Variants in LRRC28 observed in about 807,000 individuals in gnomAD.
LRRC28 encodes leucine-rich repeat-containing protein 28.
In LRRC28, 39 loss-of-function variants were observed where a neutral mutation model predicts 45.7. The observed-to-expected ratio is 0.85, with a 90% CI of 0.66 to 1.12. LRRC28 has a LOEUF of 1.12. LRRC28 is among the 50% of genes most tolerant of loss of function. The pLI is 0.00. For synonymous variants in LRRC28, 206 were observed against 178.8 expected, an observed-to-expected ratio of 1.15 and a Z score of -1.22; for missense variants, 435 against 438.5, an observed-to-expected ratio of 0.99 and a Z score of 0.07.
intron 6 of LRRC28, chr15:99,338,114 G>C (rs969291941): frequency 1.3e-5 from 2 of 152,194 alleles, no homozygotes; most frequent in African/African-American, 4.8e-5. Flanking sequence ...CAGGAGACTG[G>C]AGACAGGATA....
intron 6 of LRRC28, among the ~76,000 whole-genome samples, chr15:99,343,970 G>A (rs1231341041): frequency 3.3e-5 from 5 of 152,044 alleles, no homozygotes; most frequent in African/African-American, 4.8e-5. Flanking sequence ...TCACAGCATC[G>A]CCTTTACAGC....
chr15:99,335,827 A>G (rs756469036), intron 6 of LRRC28, among the ~76,000 whole-genome samples: 1 of 152,140 alleles, frequency 6.6e-6, no homozygotes, highest in Non-Finnish European at 1.5e-5. Flanking sequence ...TGCTGGCAAT[A>G]CATGAGGGAA....
In LRRC28 at chr15:99,349,812, A is replaced by G. The variant is rs565048137; in HGVS notation, c.593-2557A>G. ...TACAAAATGTATATAAATGCCCCTCAGACATAGTTTTGAAATGTTCAAACT... is the reference window on the plus strand; with the variant it reads ...TACAAAATGTATATAAATGCCCCTCGGACATAGTTTTGAAATGTTCAAACT... On this transcript the variant is annotated intron_variant, in intron 6 of 9. Coordinates refer to ENST00000301981, the MANE Select transcript of LRRC28 (RefSeq NM_144598.5). Among the ~76,000 whole-genome samples, 9 of 152,352 alleles carry G rather than the reference A, an allele frequency of 5.9e-5. No individual in the cohort carries two copies. The South Asian group carries it at 1.9e-3, about 32-fold the overall frequency.
At chr15:99,316,000 C>A (rs571266073) in intron 5 of LRRC28, among the ~76,000 whole-genome samples, 26 of 152,294 alleles carry the variant, frequency 1.7e-4, no homozygotes, top group Admixed American at 5.9e-4. Context: ...AAGCATCATA[C>A]ATTTTAAAAA....
intron 3 of LRRC28, 56 bp from the exon 4 acceptor site, chr15:99,287,201 T>G: frequency 6.9e-7 from 1 of 1,440,148 alleles, no homozygotes; most frequent in Non-Finnish European, 9.4e-7. Flanking sequence ...TATAAACTGA[T>G]TATCTGGCAA....
chr15:99,262,524 G>A (rs7165559), intron 2 of LRRC28, among the ~76,000 whole-genome samples: 13,887 of 152,240 alleles, frequency 0.091, 683 homozygotes, highest in African/African-American at 0.13. Context: ...GGAGGTTGCA[G>A]TGAGCTGCAA....
At chr15:99,299,148 G>T (rs2082335567) in intron 5 of LRRC28, among the ~76,000 whole-genome samples, 1 of 152,216 alleles carries the variant, frequency 6.6e-6, no homozygotes, top group Admixed American at 6.5e-5. Flanking sequence ...TAAAATATAT[G>T]AATAGTGATT....
intron 6 of LRRC28, among the ~76,000 whole-genome samples, chr15:99,350,767 C>G (rs1047401232): frequency 6.6e-6 from 1 of 152,144 alleles, no homozygotes; most frequent in African/African-American, 2.4e-5. Flanking sequence ...CCTAGAAAAC[C>G]TTTCAAAGAC....
chr15:99,377,586 C>G (rs1227886323), intron 9 of LRRC28, among the ~76,000 whole-genome samples: 1 of 152,076 alleles, frequency 6.6e-6, no homozygotes, highest in African/African-American at 2.4e-5. Context: ...GTTGCCATTG[C>G]TTTTGGTGTT....
chr15:99,331,773 C>A (rs1268524892), intron 5 of LRRC28: 2 of 152,232 alleles, frequency 1.3e-5, no homozygotes, highest in African/African-American at 4.8e-5. Flanking sequence ...GCCCATTGTG[C>A]AAGCTGTATG....
At chr15:99,345,165 G>T (rs750229635) in intron 6 of LRRC28, among the ~76,000 whole-genome samples, 1 of 151,828 alleles carries the variant, frequency 6.6e-6, no homozygotes, top group Non-Finnish European at 1.5e-5. Context: ...CGCACATTTA[G>T]TAAATAGAAC....
At chr15:99,307,234 A>G (rs1486626231) in intron 5 of LRRC28, among the ~76,000 whole-genome samples, 2 of 152,174 alleles carry the variant, frequency 1.3e-5, no homozygotes, top group African/African-American at 2.4e-5. Flanking sequence ...AGAACGATAC[A>G]GGGTGCAGGG....
At chr15:99,348,464 AG>A (rs1468386570) in intron 6 of LRRC28, among the ~76,000 whole-genome samples, 3 of 152,106 alleles carry the variant, frequency 2.0e-5, no homozygotes, top group Non-Finnish European at 4.4e-5. Context: ...GTGTCAGATA[AG>A]GGTCCAATTT....
At chr15:99,321,285 C>T (rs969126798) in intron 5 of LRRC28, among the ~76,000 whole-genome samples, 6 of 152,162 alleles carry the variant, frequency 3.9e-5, no homozygotes, top group African/African-American at 1.4e-4. Context: ...TATTTGCTTA[C>T]GTGACTTCTG....
chr15:99,259,435 T>A, intron 2 of LRRC28: 1 of 1,340,606 alleles, frequency 7.5e-7, no homozygotes, highest in Non-Finnish European at 1.1e-6. Context: ...CTAAGGAGAG[T>A]CATGAAGCAG....
chr15:99,384,606 CAAAAG>C (rs1435428504), intron 9 of LRRC28: 2 of 152,184 alleles, frequency 1.3e-5, no homozygotes, highest in African/African-American at 4.8e-5. Flanking sequence ...TCAGCACAGT[CAAAAG>C]AAGCCATCTC....
intron 5 of LRRC28, among the ~76,000 whole-genome samples, chr15:99,318,586 CTG>C (rs1003509952): frequency 1.3e-5 from 2 of 151,816 alleles, no homozygotes; most frequent in African/African-American, 4.8e-5. Flanking sequence ...AGGTGGTTAT[CTG>C]AGAACTCTAA....
chr15:99,386,161 C>A lies in LRRC28; in HGVS notation c.*59C>A. 1 of 1,316,414 alleles carries A rather than the reference C, an allele frequency of 7.6e-7. No homozygotes were observed. The highest frequency in any genetic ancestry group is 1.2e-5 in the South Asian group (1 of 85,124). The allele number at this position is 1,316,414 out of a possible 1,614,324, so 81.5% of individuals were successfully genotyped here. On this transcript the variant is annotated 3_prime_UTR_variant, in exon 10 of 10. Transcript: ENST00000301981. ...TTGACACTGGGGAATCCAGCCAGTC[C>A]AGCACACTCTTCCATCCTGTCCTGT...
intron 6 of LRRC28, chr15:99,338,043 C>A (rs1031018437): frequency 2.0e-5 from 3 of 152,114 alleles, no homozygotes; most frequent in African/African-American, 7.2e-5. Context: ...ACTGGATATT[C>A]TTTGTAAGAA....
Sources: allele counts gnomAD v4.1 joint callset (sites outside exome capture counted in the v4.1 genomes callset), GRCh38; gene constraint gnomAD v4.1.1; transcripts MANE v1.5; gene names NCBI Gene and HGNC (gene_info 2026-07-23, HGNC 2026-07-21).